The following GABRG3 variants were observed in gnomAD, a reference collection of about 807,000 sequenced individuals.
GABRG3 encodes the protein gamma-aminobutyric acid receptor subunit gamma-3.
In GABRG3, 25 loss-of-function variants were observed where a neutral mutation model predicts 48.8. The observed-to-expected ratio is 0.51, with a 90% CI of 0.37 to 0.72. The LOEUF (loss-of-function observed/expected upper bound fraction) is 0.72. GABRG3 is among the 30% of genes least tolerant of loss of function. GABRG3 has a pLI of 0.00. For missense variants in GABRG3, 394 were observed against 577.9 expected (o/e 0.68, Z 3.26); for synonymous variants, 227 against 217.6 (o/e 1.04, Z -0.38).
intron 3 of GABRG3, among the ~76,000 whole-genome samples, chr15:27,193,452 G>T (rs549866567): frequency 5.9e-5 from 9 of 151,876 alleles, no homozygotes; most frequent in African/African-American, 1.9e-4. Context: ...CCTCACTGCC[G>T]CCTTGCAGTT....
chr15:27,257,820 T>G (rs1189889891), intron 3 of GABRG3, among the ~76,000 whole-genome samples: 3 of 151,988 alleles, frequency 2.0e-5, no homozygotes, highest in African/African-American at 7.3e-5. Context: ...GGCTATTTTT[T>G]TTTTTTTTAA....
intron 3 of GABRG3, among the ~76,000 whole-genome samples, chr15:27,306,145 T>C (rs939104668): frequency 7.9e-6 from 1 of 126,108 alleles, no homozygotes; most frequent in Admixed American, 8.7e-5. Context: ...TATATAAACA[T>C]ATATAATATA....
chr15:27,020,377 GT>G (rs2140675978), intron 2 of GABRG3, among the ~76,000 whole-genome samples: 1 of 152,306 alleles, frequency 6.6e-6, no homozygotes, highest in Non-Finnish European at 1.5e-5. Flanking sequence ...TATTGGTCCT[GT>G]AGCTCTTCTG....
intron 3 of GABRG3, among the ~76,000 whole-genome samples, chr15:27,313,198 A>ATATATATATATGTATATG (rs1257607959): frequency 2.2e-5 from 3 of 134,620 alleles, no homozygotes; most frequent in Non-Finnish European, 3.1e-5. Flanking sequence ...ATATATGTGT[A>ATATATATATATGTATATG]TATATATATA....
Position 27,532,895 on chromosome 15 carries a change from T to TG in GABRG3, c.*15dup. The TG allele has an allele frequency of 6.2e-7, 1 of 1,609,346 alleles. No individual in the cohort carries two copies. The highest frequency in any genetic ancestry group is 8.5e-7 in the Non-Finnish European group (1 of 1,177,652). On this transcript the variant is annotated 3_prime_UTR_variant, in exon 10 of 10. Transcript: ENST00000615808. ...CTGTATCTCTAAGTGTTGCTCAGAG[T>TG]GAAGAGTGAAGAGCATTTGGTACAC...
At chr15:27,163,577 GA>G (rs1455218951) in intron 3 of GABRG3, among the ~76,000 whole-genome samples, 1 of 152,042 alleles carries the variant, frequency 6.6e-6, no homozygotes, top group African/African-American at 2.4e-5. Context: ...TTGAACCCAG[GA>G]ATTTGAGGTT....
intron 2 of GABRG3, among the ~76,000 whole-genome samples, chr15:27,015,104 C>T (rs949349457): frequency 2.6e-5 from 4 of 152,198 alleles, no homozygotes; most frequent in Non-Finnish European, 5.9e-5. Context: ...TCTTTAGGTT[C>T]CCATTTGCAT....
chr15:27,031,085 CACAT>C lies in GABRG3; in HGVS notation c.270+4268_270+4271del, dbSNP rs776942595. Among the ~76,000 whole-genome samples the C allele has an allele frequency of 7.2e-3, 1,087 of 151,628 alleles. 8 individuals are homozygous for C. Among genetic ancestry groups the C allele is most frequent in the African/African-American group, 0.025 (1,012 of 41,190 alleles). On this transcript the variant is annotated intron_variant, in intron 3 of 9. Transcript: ENST00000615808. The stretch of plus-strand genomic sequence containing the variant: ...ACAGACACACACACACACACACACA[CACAT>C]ACAACACATAACACATTATTATTAA...
At chr15:27,147,767 T>C (rs1898236458) in intron 3 of GABRG3, among the ~76,000 whole-genome samples, 1 of 151,934 alleles carries the variant, frequency 6.6e-6, no homozygotes. Flanking sequence ...GAAAACACTT[T>C]GAAATTTAAA....
intron 3 of GABRG3, among the ~76,000 whole-genome samples, chr15:27,113,149 A>G (rs1306943962): frequency 6.6e-6 from 1 of 151,790 alleles, no homozygotes; most frequent in African/African-American, 2.4e-5. Context: ...TATTTGGACT[A>G]TCTTATTTTT....
At chr15:27,004,328 G>C (rs1209005964) in intron 2 of GABRG3, among the ~76,000 whole-genome samples, 1 of 151,438 alleles carries the variant, frequency 6.6e-6, no homozygotes, top group African/African-American at 2.4e-5. Context: ...GGGCAGAGGC[G>C]GTCCCCACAT....
chr15:27,334,896 C>G (rs772023599), intron 5 of GABRG3, among the ~76,000 whole-genome samples: 2 of 152,132 alleles, frequency 1.3e-5, no homozygotes, highest in African/African-American at 2.4e-5. Flanking sequence ...TAAATGAGAC[C>G]TTGTCAAAAG....
At chr15:27,334,889 A>T (rs994569429) in intron 5 of GABRG3, among the ~76,000 whole-genome samples, 13 of 152,208 alleles carry the variant, frequency 8.5e-5, no homozygotes, top group African/African-American at 3.1e-4. Context: ...AAAGTGATAA[A>T]TGAGACCTTG....
At chr15:27,492,915 C>T (rs897022627) in intron 6 of GABRG3, among the ~76,000 whole-genome samples, 1 of 148,662 alleles carries the variant, frequency 6.7e-6, no homozygotes. Context: ...AGAAAATGCT[C>T]ATAATATAAT....
At chr15:27,031,446 T>C (rs1480353065) in intron 3 of GABRG3, among the ~76,000 whole-genome samples, 1 of 152,212 alleles carries the variant, frequency 6.6e-6, no homozygotes, top group Non-Finnish European at 1.5e-5. Context: ...TGGCTTTTTT[T>C]CCTTCGTTTT....
At chr15:27,531,951 C>T (rs1161943523) in intron 9 of GABRG3, among the ~76,000 whole-genome samples, 1 of 152,124 alleles carries the variant, frequency 6.6e-6, no homozygotes, top group African/African-American at 2.4e-5. Context: ...AGATGGTAAG[C>T]GGTGTCCAGC....
At chr15:27,248,234 T>A (rs564967207) in intron 3 of GABRG3, among the ~76,000 whole-genome samples, 5 of 152,230 alleles carry the variant, frequency 3.3e-5, no homozygotes, top group Non-Finnish European at 7.3e-5. Flanking sequence ...GATTCTGTTT[T>A]AATCTCACTG....
At chr15:27,472,100 CA>C (rs1415393087) in intron 5 of GABRG3, among the ~76,000 whole-genome samples, 1 of 152,122 alleles carries the variant, frequency 6.6e-6, no homozygotes, top group Non-Finnish European at 1.5e-5. Context: ...TGTGTCTTTA[CA>C]TTTTTTTAAT....
chr15:27,353,148 G>A (rs1255602194), intron 5 of GABRG3, among the ~76,000 whole-genome samples: 3 of 151,948 alleles, frequency 2.0e-5, no homozygotes, highest in Non-Finnish European at 4.4e-5. Flanking sequence ...CCCTACCTGG[G>A]CACCTACACA....
Sources: allele counts gnomAD v4.1 joint callset (sites outside exome capture counted in the v4.1 genomes callset), GRCh38; gene constraint gnomAD v4.1.1; transcripts MANE v1.5; gene names NCBI Gene and HGNC (gene_info 2026-07-23, HGNC 2026-07-21).